Variants in ABR observed in about 807,000 individuals in gnomAD.
The protein encoded by ABR is active breakpoint cluster region-related protein.
Under a neutral mutation model 107.2 loss-of-function variants are expected in ABR, and 35 were observed. The ratio of observed to expected loss-of-function variants is 0.33; its 90% confidence interval spans 0.25 to 0.43. The LOEUF (loss-of-function observed/expected upper bound fraction) is 0.43, where lower values mean the gene tolerates loss of function less well. Ranked by LOEUF, ABR falls within the 20% of genes least tolerant of loss-of-function variation. The probability of loss-of-function intolerance (pLI) is 1.00; values close to 1 mark genes in which losing one functional copy is unlikely to be tolerated. For synonymous variants in ABR, 498 were observed against 462.0 expected (o/e 1.08, Z -1.00); for missense variants, 815 against 1,115.2 (o/e 0.73, Z 3.83).
rs2035215473 is a variant in ABR at position 1,071,280 on chromosome 17, G to A, written c.895-1190C>T. On this transcript the variant is annotated intron_variant, in intron 8 of 22. Transcript: ENST00000302538. The surrounding 1 kb of genome is among the most constrained non-coding windows in gnomAD (Gnocchi z 5.1). Reference sequence around the variant, plus strand: ...ACGCTGCACATCAGCACCAGGAGCCGCACGGAATCGGCTCTCTCTGCCCAG... The same window carrying A: ...ACGCTGCACATCAGCACCAGGAGCCACACGGAATCGGCTCTCTCTGCCCAG... Among the ~76,000 whole-genome samples the A allele has an allele frequency of 6.6e-6, 1 of 152,148 alleles. No homozygotes were observed. The highest frequency in any genetic ancestry group is 6.5e-5 in the Admixed American group (1 of 15,286).
rs760840220 is a variant in ABR, at chr17:1,125,342, G to A, written c.87C>T (p.Tyr29=). 53 of 1,613,752 alleles carry A rather than the reference G, an allele frequency of 3.3e-5. No homozygotes were observed. The highest frequency in any genetic ancestry group is 1.7e-4 in the Middle Eastern group (1 of 6,060). Residue 29 remains tyrosine, a synonymous_variant, in exon 2 of 23, where the codon TAC becomes TAT. Transcript: ENST00000302538. ...YSNFSYGTDE[Y]DGEGNEEQKG... ...TCTGCTCCTCATTCCCCTCTCCGTCGTACTCGTCCGTCCCGTAGCTGAAGT... is the reference window on the plus strand; with the variant it reads ...TCTGCTCCTCATTCCCCTCTCCGTCATACTCGTCCGTCCCGTAGCTGAAGT...
intron 1 of ABR, among the ~76,000 whole-genome samples, chr17:1,212,887 TAA>T (rs879916039): frequency 7.1e-6 from 1 of 140,666 alleles, no homozygotes; most frequent in African/African-American, 2.6e-5. Flanking sequence ...AGACACTGTC[TAA>T]AAAAAAAAAA....
intron 1 of ABR, among the ~76,000 whole-genome samples, chr17:1,145,211 C>T (rs940747972): frequency 1.3e-5 from 2 of 152,130 alleles, no homozygotes; most frequent in African/African-American, 4.8e-5. Flanking sequence ...TCAGTAACTG[C>T]TGGCTGAGTG....
intron 16 of ABR, among the ~76,000 whole-genome samples, chr17:1,028,236 GCC>G (rs1455787606): frequency 5.3e-5 from 8 of 150,228 alleles, no homozygotes; most frequent in East Asian, 2.0e-4. Context: ...GATTACAGGT[GCC>G]CGCCACCATG....
intron 3 of ABR, 131 bp from the exon 4 acceptor site, chr17:1,091,981 C>T (rs1190133992): frequency 2.1e-6 from 2 of 957,380 alleles, no homozygotes; most frequent in Non-Finnish European, 1.6e-6. Flanking sequence ...AAAGGCAGGG[C>T]ACTGAAACGA....
intron 1 of ABR, among the ~76,000 whole-genome samples, chr17:1,164,403 A>G (rs34657677): frequency 2.2e-5 from 3 of 138,250 alleles, no homozygotes; most frequent in Admixed American, 7.0e-5. Flanking sequence ...AGACGCAGGG[A>G]CCCCAGATAA....
intron 16 of ABR, among the ~76,000 whole-genome samples, chr17:1,045,198 A>C (rs1210793506): frequency 1.3e-5 from 2 of 152,200 alleles, no homozygotes; most frequent in Non-Finnish European, 1.5e-5. Flanking sequence ...TTCTCATACA[A>C]ACATTGCTTT....
intron 1 of ABR, among the ~76,000 whole-genome samples, chr17:1,151,257 T>C (rs977746179): frequency 2.0e-5 from 3 of 152,158 alleles, no homozygotes; most frequent in Admixed American, 2.0e-4. Flanking sequence ...ATCTCATGAC[T>C]GCCAGGCTCT....
At chr17:1,049,856 C>A (rs889634781) in intron 16 of ABR, 194 bp downstream of exon 16, 2 of 685,992 alleles carry the variant, frequency 2.9e-6, no homozygotes, top group Non-Finnish European at 4.8e-6. Context: ...AGGAGCCACG[C>A]ACACGCCTGG....
At chr17:1,017,725 C>G (rs746791217) in intron 16 of ABR, among the ~76,000 whole-genome samples, 2 of 151,938 alleles carry the variant, frequency 1.3e-5, no homozygotes, top group Non-Finnish European at 2.9e-5. Flanking sequence ...ACCTTGGCCT[C>G]CCAAAGTGCT....
At chr17:1,226,909 C>G (rs2043232439) in intron 1 of ABR, among the ~76,000 whole-genome samples, 1 of 72,922 alleles carries the variant, frequency 1.4e-5, no homozygotes, top group South Asian at 6.2e-4. Flanking sequence ...TGCAAGTCCA[C>G]CCCCCACTCA....
At chr17:1,076,718 G>GA (rs1163178722) in intron 6 of ABR, among the ~76,000 whole-genome samples, 1 of 112,846 alleles carries the variant, frequency 8.9e-6, no homozygotes, top group Admixed American at 7.9e-5. Flanking sequence ...GGTGCACGGG[G>GA]GGGGTGGGGG....
chr17:1,222,158 G>A (rs935145688), intron 1 of ABR, among the ~76,000 whole-genome samples: 6 of 148,806 alleles, frequency 4.0e-5, no homozygotes, highest in Admixed American at 1.4e-4. Context: ...TCTGCCTCCC[G>A]GGTTCAAGCA....
intron 3 of ABR, among the ~76,000 whole-genome samples, chr17:1,093,586 A>C (rs2037182906): frequency 6.6e-6 from 1 of 152,186 alleles, no homozygotes; most frequent in Admixed American, 6.5e-5. Context: ...AGGATTAAGT[A>C]GTGAGCTTTC....
chr17:1,180,095 C>T (rs1468745025), upstream of ABR, among the ~76,000 whole-genome samples: 2 of 150,576 alleles, frequency 1.3e-5, no homozygotes, highest in African/African-American at 4.9e-5. Context: ...GCTCGAGGCT[C>T]CGCCCTCCGC....
In ABR at chr17:1,150,812, C is replaced by G. The variant is rs550200234; in HGVS notation, c.62-25445G>C. On this transcript the variant is annotated intron_variant, in intron 1 of 22. Coordinates refer to ENST00000302538, the MANE Select transcript of ABR (RefSeq NM_021962.5). This position sits in a 1 kb window ranked among gnomAD's most constrained non-coding sequence, Gnocchi z 4.8. ...CAGACGCCGGACTCCCTAGGTTCTG[C>G]AAACCCAGCCATCAACACACAGAGG... 6.6e-6 allele frequency among the ~76,000 whole-genome samples: 1 copy of G among 152,176 alleles called. No homozygotes were observed. The highest frequency in any genetic ancestry group is 1.5e-5 in the Non-Finnish European group (1 of 68,036).
intron 1 of ABR, among the ~76,000 whole-genome samples, chr17:1,151,595 G>A (rs1321433902): frequency 6.6e-6 from 1 of 152,218 alleles, no homozygotes; most frequent in Non-Finnish European, 1.5e-5. Flanking sequence ...TTCCAGCAGG[G>A]GATGGAGAAG....
At chr17:1,013,710 T>C (rs927265025) in intron 16 of ABR, among the ~76,000 whole-genome samples, 3 of 152,218 alleles carry the variant, frequency 2.0e-5, no homozygotes, top group Admixed American at 6.5e-5. Flanking sequence ...TTATTCCATC[T>C]GCAACAGAAC....
At chr17:1,195,223 C>G (rs80268395) in intron 1 of ABR, among the ~76,000 whole-genome samples, 33,780 of 131,390 alleles carry the variant, frequency 0.26, 5,180 homozygotes, top group East Asian at 0.56. Context: ...AGGAGAATGG[C>G]GTGAACCCGG....
Sources: allele counts gnomAD v4.1 joint callset (sites outside exome capture counted in the v4.1 genomes callset), GRCh38; gene constraint gnomAD v4.1.1; non-coding constraint Gnocchi (gnomAD v3.1); transcripts MANE v1.5; gene names NCBI Gene and HGNC (gene_info 2026-07-23, HGNC 2026-07-21).